ANO2: variants seen among roughly 807,000 people sequenced by gnomAD.
ANO2 encodes anoctamin 2.
In ANO2, 101 loss-of-function variants were observed where a neutral mutation model predicts 124.2. That is an observed-to-expected ratio of 0.81 (90% CI 0.69 to 0.96). The LOEUF (loss-of-function observed/expected upper bound fraction) is 0.96. Among genes scored for constraint, ANO2 ranks in the 40% least tolerant of loss-of-function variants. The pLI, the probability that ANO2 is intolerant of heterozygous loss-of-function variation, is 0.00. For missense variants in ANO2, 1,293 were observed against 1,274.5 expected, an observed-to-expected ratio of 1.01 and a Z score of -0.22; for synonymous variants, 486 against 482.5, an observed-to-expected ratio of 1.01 and a Z score of -0.09.
intron 20 of ANO2, among the ~76,000 whole-genome samples, chr12:5,589,524 C>T (rs1943290661): frequency 6.6e-6 from 1 of 152,176 alleles, no homozygotes; most frequent in African/African-American, 2.4e-5. Context: ...ATGATACACT[C>T]ATTTATTCAG....
intron 3 of ANO2, among the ~76,000 whole-genome samples, chr12:5,892,104 G>A (rs1468778743): frequency 6.6e-6 from 1 of 151,378 alleles, no homozygotes; most frequent in Non-Finnish European, 1.5e-5. Context: ...GAACCAAATG[G>A]GAATTTTATA....
Position 5,880,302 on chromosome 12 carries a change from C to T in ANO2, c.535-26161G>A, listed in dbSNP as rs141403206. Among the ~76,000 whole-genome samples, 244 of 152,036 alleles carry T rather than the reference C, an allele frequency of 1.6e-3. 1 individual carries two copies. Among genetic ancestry groups the T allele is most frequent in the Non-Finnish European group, 1.4e-3 (98 of 67,994 alleles). ...GAGACAGACATAAGAGCCTGGGGAACGCAGGATAAGTGCAGGTTAAAGAAG... is the reference window on the plus strand; with the variant it reads ...GAGACAGACATAAGAGCCTGGGGAATGCAGGATAAGTGCAGGTTAAAGAAG... On this transcript the variant is annotated intron_variant, in intron 3 of 24. Transcript: ENST00000682330.
chr12:5,647,520 G>A lies in ANO2; in HGVS notation c.1620+207C>T, dbSNP rs142451203. Among the ~76,000 whole-genome samples, 6 of 152,222 alleles carry A rather than the reference G, an allele frequency of 3.9e-5. No individual in the cohort carries two copies. The East Asian group carries it at 1.2e-3, about 29-fold the overall frequency. ...TGTCTCCATGCAGAAGCACCATCTC[G>A]CAACCCACTCCCTGGAAGTTCCAAA... On this transcript the variant is annotated intron_variant, in intron 15 of 24. Coordinates refer to ENST00000682330, the MANE Select transcript of ANO2 (RefSeq NM_001364791.2).
chr12:5,895,181 T>C (rs558597770), intron 3 of ANO2, among the ~76,000 whole-genome samples: 8 of 152,306 alleles, frequency 5.3e-5, no homozygotes, highest in Non-Finnish European at 1.2e-4. Context: ...CAGTGGTTTG[T>C]AGTTGTCCAT....
rs1253421551 is a variant in ANO2 at position 5,586,609 on chromosome 12, A to G, written c.2234-8091T>C. Reference sequence around the variant, plus strand: ...ATTGCAGTCTTTACCATCCATGACCAAAGAATATCAGAGTTGAAAAGAATG... The same window carrying G: ...ATTGCAGTCTTTACCATCCATGACCGAAGAATATCAGAGTTGAAAAGAATG... On this transcript the variant is annotated intron_variant, in intron 20 of 24. Transcript: ENST00000682330. Among the ~76,000 whole-genome samples, 6 of 152,242 alleles carry G rather than the reference A, an allele frequency of 3.9e-5. No homozygotes were observed. In the East Asian group the frequency reaches 1.2e-3, roughly 29 times the overall value.
chr12:5,851,151 C>T (rs1051260514), intron 4 of ANO2, among the ~76,000 whole-genome samples: 1 of 152,178 alleles, frequency 6.6e-6, no homozygotes, highest in Non-Finnish European at 1.5e-5. Flanking sequence ...TTCTCACCCT[C>T]GCCAACTCAT....
In ANO2 at chr12:5,921,279, C is replaced by T; in HGVS notation, c.295G>A (p.Val99Ile). 1 of 1,614,016 alleles carries T rather than the reference C, an allele frequency of 6.2e-7. No homozygotes were observed. Among genetic ancestry groups the T allele is most frequent in the South Asian group, 1.1e-5 (1 of 91,084 alleles). The change falls in exon 3 of 25, where the codon GTC becomes ATC. Residue 99 changes from valine (V) to isoleucine (I), a missense_variant. By Grantham distance (29) the Val-to-Ile change is conservative (BLOSUM62 3). Transcript: ENST00000682330. The stretch of plus-strand genomic sequence containing the variant: ...TAGTGGTAGGCAAGTACATAGTCGA[C>T]CTTCCTCTGACTGTCATGGAAGTGC... The part of the protein sequence containing the change: ...RMHFHDSQRK[V>I]DYVLAYHYRK...
intron 14 of ANO2, among the ~76,000 whole-genome samples, chr12:5,726,072 A>G (rs1565612827): frequency 6.6e-6 from 1 of 152,028 alleles, no homozygotes; most frequent in African/African-American, 2.4e-5. Context: ...CTGCAGGGAA[A>G]CTTAAGAAAA....
rs1433521895 is a variant in ANO2 at position 5,613,101 on chromosome 12, G to A, written c.1929-143C>T. ...GCGAGTGCTAGATCACTCAGGGATA[G>A]GAGTGCACACTGTTATCAGCAAGTA... On this transcript the variant is annotated intron_variant, in intron 17 of 24. Transcript: ENST00000682330. 3.9e-6 allele frequency: 3 copies of A among 768,702 alleles called. No individual in the cohort carries two copies. The East Asian group carries it at 7.8e-5, about 20-fold the overall frequency. The allele number at this position is 768,702 out of a possible 1,614,324, so 47.6% of individuals were successfully genotyped here.
chr12:5,911,376 C>G (rs1672016755), intron 3 of ANO2, among the ~76,000 whole-genome samples: 1 of 152,170 alleles, frequency 6.6e-6, no homozygotes, highest in Non-Finnish European at 1.5e-5. Flanking sequence ...CCGATAAAGA[C>G]CCTGAACTTA....
intron 11 of ANO2, among the ~76,000 whole-genome samples, chr12:5,749,392 G>A (rs540689985): frequency 1.3e-5 from 2 of 152,274 alleles, no homozygotes; most frequent in East Asian, 3.9e-4. Flanking sequence ...TTTTTCACTT[G>A]AGACCAATCG....
chr12:5,640,119 C>A (rs1236668120), intron 15 of ANO2, among the ~76,000 whole-genome samples: 2 of 152,158 alleles, frequency 1.3e-5, no homozygotes, highest in African/African-American at 4.8e-5. Context: ...GTTTCTAACA[C>A]AAGGAGGCAG....
rs567561971 is a variant in ANO2 at position 5,918,940 on chromosome 12, A to C, written c.534+2100T>G. Among the ~76,000 whole-genome samples, 26 of 152,306 alleles carry C rather than the reference A, an allele frequency of 1.7e-4. 1 individual carries two copies. The South Asian group carries it at 5.4e-3, about 32-fold the overall frequency. ...GCATCTATTACTTTGCAGATAAGGG[A>C]CCTGAGGTTCAGGGAGGTCACTCAT... On this transcript the variant is annotated intron_variant, in intron 3 of 24. Coordinates refer to ENST00000682330, the MANE Select transcript of ANO2 (RefSeq NM_001364791.2).
Position 5,647,769 on chromosome 12 carries a change from A to C in ANO2, c.1578T>G (p.Arg526=). 1 of 1,610,662 alleles carries C rather than the reference A, an allele frequency of 6.2e-7. No individual in the cohort carries two copies. The highest frequency in any genetic ancestry group is 8.5e-7 in the Non-Finnish European group (1 of 1,178,690). The part of the protein sequence containing the change: ...DDEDKLTWKD[R]FPGYLMNFAS... ...CAAAGTTCATCAGGTAACCTGGGAA[A>C]CGATCCTTCCAGGTCAGTTTATCTT... Residue 526 remains arginine (R), a synonymous_variant, in exon 15 of 25, where the codon CGT becomes CGG. Transcript: ENST00000682330.
At chr12:5,873,244 T>TCTCTCTCTCTCTCTCTCTCTC (rs1253108658) in intron 3 of ANO2, among the ~76,000 whole-genome samples, 1 of 141,724 alleles carries the variant, frequency 7.1e-6, no homozygotes, top group African/African-American at 2.9e-5. Context: ...TCTCTCTCTC[T>TCTCTCTCTCTCTCTCTCTCTC]CTGTCTGTCT....
At chr12:5,607,200 C>T (rs916115716) in intron 19 of ANO2, among the ~76,000 whole-genome samples, 1 of 152,030 alleles carries the variant, frequency 6.6e-6, no homozygotes, top group Non-Finnish European at 1.5e-5. Context: ...GAAGAGAAAA[C>T]GACTGTCCCT....
intron 14 of ANO2, among the ~76,000 whole-genome samples, chr12:5,680,184 G>T (rs1268129252): frequency 6.6e-6 from 1 of 152,160 alleles, no homozygotes; most frequent in Non-Finnish European, 1.5e-5. Context: ...GCTAATGGAT[G>T]CTGGGCTTCA....
chr12:5,732,953 T>C (rs1281081442), intron 13 of ANO2: 3 of 1,554,484 alleles, frequency 1.9e-6, no homozygotes, highest in Non-Finnish European at 2.7e-6. Flanking sequence ...GGCCCAGTGC[T>C]TTGCAGAGCA....
At chr12:5,703,903 A>T (rs540316359) in intron 14 of ANO2, among the ~76,000 whole-genome samples, 4 of 152,320 alleles carry the variant, frequency 2.6e-5, no homozygotes, top group African/African-American at 9.6e-5. Flanking sequence ...AAAAAAAAAT[A>T]GTATCAGTTT....
Sources: allele counts gnomAD v4.1 joint callset (sites outside exome capture counted in the v4.1 genomes callset), GRCh38; gene constraint gnomAD v4.1.1; transcripts MANE v1.5; gene names NCBI Gene and HGNC (gene_info 2026-07-23, HGNC 2026-07-21).